AHCTF1: variants seen among roughly 807,000 people sequenced by gnomAD.
AHCTF1 encodes the protein protein ELYS.
Under a neutral mutation model 248.4 loss-of-function variants are expected in AHCTF1, and 24 were observed. The ratio of observed to expected loss-of-function variants is 0.10; its 90% CI spans 0.07 to 0.14. The LOEUF is 0.14. AHCTF1 is among the 10% of genes least tolerant of loss of function. AHCTF1 has a pLI of 1.00. For missense variants in AHCTF1, 2,206 were observed against 2,636.2 expected (o/e 0.84, Z 3.57); for synonymous variants, 786 against 929.8 (o/e 0.85, Z 2.81).
chr1:246,925,049 A>G (rs1258399236), intron 1 of AHCTF1, among the ~76,000 whole-genome samples: 1 of 152,082 alleles, frequency 6.6e-6, no homozygotes, highest in Non-Finnish European at 1.5e-5. Flanking sequence ...CATTGTTACT[A>G]TGTTGTTTTC....
At chr1:246,879,766 T>C (rs753254380) in intron 21 of AHCTF1, among the ~76,000 whole-genome samples, 1 of 151,816 alleles carries the variant, frequency 6.6e-6, no homozygotes. Context: ...GAGGCAGAGG[T>C]TGCAGTGAGC....
chr1:246,843,705 A>T, intron 34 of AHCTF1, 90 bp downstream of exon 34: 1 of 975,840 alleles, frequency 1.0e-6, no homozygotes, highest in Non-Finnish European at 1.3e-6. Context: ...TAAAATCATT[A>T]AAATTTAAAT....
rs750768183 is a variant in AHCTF1 at position 246,853,339 on chromosome 1, AAAAT to A, written c.4355-44_4355-41del. 8 of 1,524,104 alleles carry A rather than the reference AAAAT, an allele frequency of 5.2e-6. No homozygotes were observed. In the African/African-American group the frequency reaches 6.9e-5, roughly 13 times the overall value. 94.4% of individuals were successfully genotyped at this position (1,524,104 alleles called of 1,614,324 possible). A position where few individuals can be genotyped will look rare whatever the true frequency, so the allele number is the denominator to read the frequency against. The stretch of plus-strand genomic sequence containing the variant: ...AGTGAATTTTTTACATTTAAACTGA[AAAAT>A]AAATCCACACACAAGGAAGCAAACA... On this transcript the variant is annotated intron_variant, in intron 31 of 35. Coordinates refer to ENST00000648844, the MANE Select transcript of AHCTF1 (RefSeq NM_001323342.2).
intron 33 of AHCTF1, among the ~76,000 whole-genome samples, chr1:246,844,585 G>A (rs1163085312): frequency 6.6e-6 from 1 of 152,160 alleles, no homozygotes; most frequent in African/African-American, 2.4e-5. Context: ...ATTAGCCAAT[G>A]TGGTGGTGCA....
intron 21 of AHCTF1, among the ~76,000 whole-genome samples, chr1:246,881,850 C>CAAAAAAAAAAAACAA: frequency 7.9e-6 from 1 of 126,836 alleles, no homozygotes; most frequent in African/African-American, 2.9e-5. Flanking sequence ...AAAAAAAAAC[C>CAAAAAAAAAAAACAA]AAAAAAAAAA....
Position 246,898,298 on chromosome 1 carries a change from A to G in AHCTF1, c.1533T>C (p.Asn511=), listed in dbSNP as rs780802911. Residue 511 remains asparagine (N), a synonymous_variant, in exon 12 of 36, where the codon AAT becomes AAC. Transcript: ENST00000648844. ...GATTATAACCATCAGGAATGAGTTC[A>G]TTGAGTGATGGACCTGATTTCTTTA... The part of the protein sequence containing the change: ...TFLKKSGPSL[N]ELIPDGYNRC... 1.2e-5 allele frequency: 19 copies of G among 1,613,376 alleles called. No individual in the cohort carries two copies. Among genetic ancestry groups the G allele is most frequent in the Admixed American group, 1.0e-4 (6 of 60,022 alleles).
At position 246,907,703 on chromosome 1, in the gene AHCTF1, T is replaced by C. The variant is rs749933821; in HGVS notation, c.612A>G (p.Val204=). ...AACACAGATGGCGCCCTTGTCTCAT[T>C]ACACTTTCTCTAATGTGTGGTACTT... ...PAEVPHIRES[V]MRQGRHLCFQ... Residue 204 remains valine, a synonymous_variant, in exon 5 of 36, where the codon GTA becomes GTG. Coordinates refer to ENST00000648844, the MANE Select transcript of AHCTF1 (RefSeq NM_001323342.2). The C allele has an allele frequency of 1.9e-6, 3 of 1,614,016 alleles. No individual in the cohort carries two copies. Among genetic ancestry groups the C allele is most frequent in the Non-Finnish European group, 1.7e-6 (2 of 1,179,948 alleles).
At position 246,857,811 on chromosome 1, in the gene AHCTF1, T is replaced by C. The variant is rs780521481; in HGVS notation, c.4136A>G (p.Asn1379Ser). ...ATCCTTTGTTTCTGCATCTTCTAAA[T>C]TGCCTATAAGTCATACAAATAAGAA... Reference protein sequence around the residue: ...TPSDLQKQMGNLEDAETKDLL... With the variant: ...TPSDLQKQMGSLEDAETKDLL... The change falls in exon 30 of 36, where the codon AAT (asparagine) becomes AGT (serine). Residue 1379 changes from asparagine (N) to serine (S), a missense_variant. Asn to Ser is a conservative substitution (Grantham distance 46). Coordinates refer to ENST00000648844, the MANE Select transcript of AHCTF1 (RefSeq NM_001323342.2). The C allele has an allele frequency of 1.9e-5, 30 of 1,609,548 alleles. No homozygotes were observed. Among genetic ancestry groups the C allele is most frequent in the African/African-American group, 5.4e-5 (4 of 74,574 alleles).
At chr1:246,846,746 AT>A (rs1276411875) in intron 33 of AHCTF1, among the ~76,000 whole-genome samples, 4 of 150,638 alleles carry the variant, frequency 2.7e-5, no homozygotes, top group Admixed American at 6.6e-5. Context: ...ACATATATAT[AT>A]TTTTTGGGGG....
Position 246,839,533 on chromosome 1 carries a change from G to C in AHCTF1, c.*1273C>G, listed in dbSNP as rs1307344600. ...GCAGCGTAACATCCATCACTAACCT[G>C]ACTAAAAGGCCGCACTCGCACTGCT... On this transcript the variant is annotated 3_prime_UTR_variant, in exon 36 of 36. Coordinates refer to ENST00000648844, the MANE Select transcript of AHCTF1 (RefSeq NM_001323342.2). 1.0e-6 allele frequency: 1 copy of C among 985,658 alleles called. No individual in the cohort carries two copies. The highest frequency in any genetic ancestry group is 1.1e-4 in the East Asian group (1 of 8,832). The allele number at this position is 985,658 out of a possible 1,614,324, so 61.1% of individuals were successfully genotyped here.
In AHCTF1 at chr1:246,867,351, A is replaced by T; in HGVS notation, c.3240T>A (p.Ser1080Arg). 1.9e-6 allele frequency: 3 copies of T among 1,566,006 alleles called. No individual in the cohort carries two copies. The highest frequency in any genetic ancestry group is 2.6e-6 in the Non-Finnish European group (3 of 1,154,604). ...EPINSTTPFN[S>R]SKIEEPSPIV... ...TAGGAGATGGTTCTTCTATTTTAGAACTATGAAAATAAAAATTTAACTTCT... is the reference window on the plus strand; with the variant it reads ...TAGGAGATGGTTCTTCTATTTTAGATCTATGAAAATAAAAATTTAACTTCT... The change falls in exon 26 of 36, where the codon AGT becomes AGA. Residue 1080 changes from serine (S) to arginine (R), a missense_variant and splice_region_variant. This residue lies in a region of AHCTF1 where 955 missense variants were observed against 1,055.6 expected (regional missense o/e 0.90). Transcript: ENST00000648844.
At chr1:246,869,077 C>A (rs1159660859) in intron 24 of AHCTF1, among the ~76,000 whole-genome samples, 1 of 151,428 alleles carries the variant, frequency 6.6e-6, no homozygotes, top group Non-Finnish European at 1.5e-5. Flanking sequence ...ATCTCCTGAC[C>A]TCGTGATCCG....
intron 7 of AHCTF1, 64 bp from the exon 8 acceptor site, chr1:246,902,739 A>G (rs777705950): frequency 3.6e-6 from 5 of 1,404,696 alleles, no homozygotes; most frequent in Non-Finnish European, 4.8e-6. Context: ...CTAAAATTAA[A>G]TATTCTCCAA....
chr1:246,899,897 T>C (rs540808172), intron 10 of AHCTF1, among the ~76,000 whole-genome samples, 168 bp downstream of exon 10: 4 of 146,916 alleles, frequency 2.7e-5, no homozygotes, highest in Non-Finnish European at 4.5e-5. Context: ...ATAAAACATA[T>C]AAATACTAAG....
At chr1:246,911,479 C>CTTTTTTTTTTTT (rs35320501) in intron 4 of AHCTF1, among the ~76,000 whole-genome samples, 2 of 99,490 alleles carry the variant, frequency 2.0e-5, no homozygotes, top group African/African-American at 3.9e-5. Context: ...TATGAAGATT[C>CTTTTTTTTTTTT]TTTTTTTTTT....
chr1:246,840,988 T>A lies in AHCTF1; in HGVS notation c.6619A>T (p.Lys2207Ter), dbSNP rs1438700851. The part of the protein sequence containing the change: ...KTKQASKNTE[K>*]ESAWSPPPIE... ...GGAGGAGGTGACCAAGCACTTTCTT[T>A]TTCTGTGTTTCTGAAAAAAAAAGAT... Residue 2207 changes from lysine (K) to a stop codon, truncating the protein, a stop_gained, in exon 36 of 36, where the codon AAA becomes TAA. Transcript: ENST00000648844. LOFTEE classifies it high-confidence loss of function. The A allele has an allele frequency of 1.3e-6, 2 of 1,598,544 alleles. No individual in the cohort carries two copies. The highest frequency in any genetic ancestry group is 2.7e-5 in the African/African-American group (2 of 72,840).
At chr1:246,882,462 C>T (rs1663515806) in intron 21 of AHCTF1, among the ~76,000 whole-genome samples, 2 of 151,946 alleles carry the variant, frequency 1.3e-5, no homozygotes, top group South Asian at 4.2e-4. Flanking sequence ...AAATAAACAA[C>T]CGTAATGAAA....
Position 246,874,548 on chromosome 1 carries a change from G to A in AHCTF1, c.3088+1489C>T, listed in dbSNP as rs747748138. On this transcript the variant is annotated intron_variant, in intron 24 of 35. Coordinates refer to ENST00000648844, the MANE Select transcript of AHCTF1 (RefSeq NM_001323342.2). ...CAACTTGACATGGTGGTCATGAAAC[G>A]GCCACCCAAAAAAATATAAAACCCA... 5.3e-4 allele frequency among the ~76,000 whole-genome samples: 80 copies of A among 152,086 alleles called. 1 individual carries two copies. In the Middle Eastern group the frequency reaches 0.024, roughly 45 times the overall value.
Position 246,839,681 on chromosome 1 carries a change from C to T in AHCTF1, c.*1125G>A, listed in dbSNP as rs573079808. On this transcript the variant is annotated 3_prime_UTR_variant, in exon 36 of 36. Coordinates refer to ENST00000648844, the MANE Select transcript of AHCTF1 (RefSeq NM_001323342.2). ...TTCACATTAAAATATTAAAAGCCCA[C>T]GAAAGCAGTTCGTTTCTAGATAATC... 10 of 482,422 alleles carry T rather than the reference C, an allele frequency of 2.1e-5. No homozygotes were observed. In the East Asian group the frequency reaches 7.5e-4, roughly 36 times the overall value. 29.9% of individuals were successfully genotyped at this position (482,422 alleles called of 1,614,324 possible).
Sources: gnomAD v4.1 joint callset for allele counts (sites outside exome capture counted in the v4.1 genomes callset) on GRCh38, gnomAD v4.1.1 for gene constraint, gnomAD v4.1.1 regional missense constraint, MANE v1.5 for transcripts, NCBI Gene and HGNC (gene_info 2026-07-23, HGNC 2026-07-21) for gene names.